CENPP: variants seen among roughly 807,000 people sequenced by gnomAD.
CENPP encodes centromere protein P.
In CENPP, 24 loss-of-function variants were observed where a neutral mutation model predicts 35.6. That is an observed-to-expected ratio of 0.67 (90% CI 0.49 to 0.95). CENPP has a LOEUF of 0.95. CENPP is among the 40% of genes least tolerant of loss of function. The pLI, the probability that CENPP is intolerant of heterozygous loss-of-function variation, is 0.00. For synonymous variants in CENPP, 120 were observed against 125.5 expected (o/e 0.96, Z 0.29); for missense variants, 332 against 345.3 (o/e 0.96, Z 0.31).
rs537421051 is a variant in CENPP at position 92,543,443 on chromosome 9, G to C, written c.565-67871G>C. ...GCAGAAATCTCACCACTGCTCTCCA[G>C]CCTGGGTGACAGAGTGAAACCCTGT... On this transcript the variant is annotated intron_variant, in intron 5 of 7. Coordinates refer to ENST00000375587, the MANE Select transcript of CENPP (RefSeq NM_001012267.3). 6.8e-4 allele frequency among the ~76,000 whole-genome samples: 83 copies of C among 121,982 alleles called. 3 individuals are homozygous for C. In the South Asian group the frequency reaches 0.021, roughly 32 times the overall value. The allele number at this position is 121,982 out of a possible 152,430, so 80.0% of individuals were successfully genotyped here. A position where few individuals can be genotyped will look rare whatever the true frequency, so the allele number is the denominator to read the frequency against.
At chr9:92,591,132 G>T (rs1184364652) in intron 5 of CENPP, among the ~76,000 whole-genome samples, 1 of 152,136 alleles carries the variant, frequency 6.6e-6, no homozygotes, top group Non-Finnish European at 1.5e-5. Flanking sequence ...AATAAGACCT[G>T]CAGGGGGCCG....
In CENPP at chr9:92,614,137, A is replaced by ATAAC. The variant is rs1564023175; in HGVS notation, c.*990_*993dup. On this transcript the variant is annotated 3_prime_UTR_variant, in exon 8 of 8. Coordinates refer to ENST00000375587, the MANE Select transcript of CENPP (RefSeq NM_001012267.3). The stretch of plus-strand genomic sequence containing the variant: ...CCCTGTCTGGGCCCTGTGCTAGGCA[A>ATAAC]TAACTCTTGCAGCCCTGAAGGACCT... The ATAAC allele has an allele frequency of 6.6e-6, 1 of 152,256 alleles. No homozygotes were observed. Among genetic ancestry groups the ATAAC allele is most frequent in the East Asian group, 1.9e-4 (1 of 5,194 alleles). The allele number at this position is 152,256 out of a possible 1,614,324, so 9.4% of individuals were successfully genotyped here. A position where few individuals can be genotyped will look rare whatever the true frequency, so the allele number is the denominator to read the frequency against.
intron 4 of CENPP, among the ~76,000 whole-genome samples, chr9:92,365,460 G>C (rs1841864952): frequency 1.4e-5 from 2 of 144,656 alleles, no homozygotes; most frequent in Middle Eastern, 7.6e-3. Context: ...ACTCACGCTG[G>C]AGTTCAGGGG....
At position 92,613,397 on chromosome 9, in the gene CENPP, TG is replaced by T. The variant is rs1469819754; in HGVS notation, c.*249del. On this transcript the variant is annotated 3_prime_UTR_variant, in exon 8 of 8. Transcript: ENST00000375587. ...AAAATAAGCTTAACATCTGAGAAAA[TG>T]TACCAAGTGGTTGTGTGTCCTCAGA... 9 of 415,012 alleles carry T rather than the reference TG, an allele frequency of 2.2e-5. No individual in the cohort carries two copies. Among genetic ancestry groups the T allele is most frequent in the Non-Finnish European group, 4.0e-5 (9 of 223,644 alleles). The allele number at this position is 415,012 out of a possible 1,614,324, so 25.7% of individuals were successfully genotyped here.
intron 5 of CENPP, among the ~76,000 whole-genome samples, chr9:92,546,369 C>G (rs1849448544): frequency 6.6e-6 from 1 of 152,160 alleles, no homozygotes; most frequent in African/African-American, 2.4e-5. Flanking sequence ...TTCTTTTGCT[C>G]TTTGCAATAA....
At chr9:92,329,900 T>C (rs1300265271) in intron 1 of CENPP, among the ~76,000 whole-genome samples, 2 of 152,224 alleles carry the variant, frequency 1.3e-5, no homozygotes, top group Non-Finnish European at 1.5e-5. Context: ...CAGTCTATGA[T>C]GGCAAATGCA....
rs578015628 is a variant in CENPP at position 92,447,495 on chromosome 9, G to A, written c.564+67636G>A. On this transcript the variant is annotated intron_variant, in intron 5 of 7. Transcript: ENST00000375587. Reference sequence around the variant, plus strand: ...AGATGGAGCTCAGGCAGTAACACAAGCAATGGGAAGTGGCTGTAAATACAG... The same window carrying A: ...AGATGGAGCTCAGGCAGTAACACAAACAATGGGAAGTGGCTGTAAATACAG... Among the ~76,000 whole-genome samples the A allele has an allele frequency of 2.1e-4, 32 of 152,282 alleles. No homozygotes were observed. The South Asian group carries it at 6.6e-3, about 32-fold the overall frequency.
At chr9:92,570,791 C>T (rs1026321340) in intron 5 of CENPP, among the ~76,000 whole-genome samples, 8 of 152,140 alleles carry the variant, frequency 5.3e-5, no homozygotes, top group Non-Finnish European at 1.0e-4. Context: ...TCAACTTCTT[C>T]CTGGTTTAGT....
chr9:92,577,574 CA>C (rs1588290968), intron 5 of CENPP, among the ~76,000 whole-genome samples: 1 of 151,544 alleles, frequency 6.6e-6, no homozygotes, highest in South Asian at 2.1e-4. Flanking sequence ...TAGAAACAGG[CA>C]AAAAAATAAG....
intron 5 of CENPP, among the ~76,000 whole-genome samples, chr9:92,553,170 C>T: frequency 6.6e-6 from 1 of 152,126 alleles, no homozygotes; most frequent in Middle Eastern, 3.2e-3. Context: ...AAAAGGTTGT[C>T]CTTTCCCCAC....
intron 5 of CENPP, among the ~76,000 whole-genome samples, chr9:92,394,665 T>C (rs112136733): frequency 0.035 from 5,388 of 152,082 alleles, 127 homozygotes; most frequent in South Asian, 0.085. Flanking sequence ...AGTGCAGTGG[T>C]GTGATCTCGG....
intron 5 of CENPP, among the ~76,000 whole-genome samples, chr9:92,574,812 A>C (rs1191765432): frequency 6.6e-6 from 1 of 152,228 alleles, no homozygotes. Flanking sequence ...CTTAATTTCA[A>C]AACTTACTAC....
intron 5 of CENPP, among the ~76,000 whole-genome samples, chr9:92,506,222 C>G (rs1003470649): frequency 6.6e-6 from 1 of 152,214 alleles, no homozygotes; most frequent in Admixed American, 6.5e-5. Flanking sequence ...CACCCTCAGT[C>G]TCTGAACAAG....
chr9:92,460,612 C>T (rs1845072520), intron 5 of CENPP: 1 of 1,170,648 alleles, frequency 8.5e-7, no homozygotes, highest in Admixed American at 1.9e-5. Context: ...TATCACTAAG[C>T]CCAATTGACT....
chr9:92,598,937 A>G (rs950171476), intron 5 of CENPP, among the ~76,000 whole-genome samples: 4 of 151,876 alleles, frequency 2.6e-5, no homozygotes, highest in East Asian at 1.9e-4. Context: ...GTGAAACCCC[A>G]TCTCTACTAA....
At chr9:92,382,959 T>G (rs1370894224) in intron 5 of CENPP, among the ~76,000 whole-genome samples, 2 of 144,324 alleles carry the variant, frequency 1.4e-5, no homozygotes, top group African/African-American at 5.1e-5. Context: ...AGTGCAGTGA[T>G]GCGATCTTGG....
At chr9:92,327,377 C>T (rs571181370) in intron 1 of CENPP, among the ~76,000 whole-genome samples, 9 of 152,300 alleles carry the variant, frequency 5.9e-5, no homozygotes, top group African/African-American at 1.7e-4. Context: ...AGCAGAAAGG[C>T]CCACACTTTG....
intron 5 of CENPP, among the ~76,000 whole-genome samples, chr9:92,541,122 G>A (rs567186094): frequency 9.3e-4 from 141 of 152,010 alleles, no homozygotes; most frequent in Non-Finnish European, 1.6e-3. Context: ...AGCCAGGTGC[G>A]GTGGCGGGTG....
intron 4 of CENPP, among the ~76,000 whole-genome samples, chr9:92,370,573 C>T (rs532883133): frequency 3.9e-5 from 6 of 152,100 alleles, no homozygotes; most frequent in South Asian, 2.1e-4. Flanking sequence ...CTCCGCTTTC[C>T]GGGTTCAAGC....
Sources: allele counts gnomAD v4.1 joint callset (sites outside exome capture counted in the v4.1 genomes callset), GRCh38; gene constraint gnomAD v4.1.1; transcripts MANE v1.5; gene names NCBI Gene and HGNC (gene_info 2026-07-23, HGNC 2026-07-21).